The following NAV3 variants were observed in gnomAD, a reference collection of about 807,000 sequenced individuals.
NAV3 encodes the protein pore membrane and/or filament interacting like protein 1.
In NAV3, 87 loss-of-function variants were observed where a neutral mutation model predicts 244.7. The observed-to-expected ratio is 0.36, with a 90% confidence interval of 0.30 to 0.42. NAV3 has a LOEUF of 0.42. NAV3 is among the 20% of genes least tolerant of loss of function. The probability of loss-of-function intolerance (pLI) is 1.00; values close to 1 mark genes in which losing one functional copy is unlikely to be tolerated. For missense variants in NAV3, 2,663 were observed against 2,893.3 expected (o/e 0.92, Z 1.83); for synonymous variants, 1,126 against 1,042.2 (o/e 1.08, Z -1.55).
intron 2 of NAV3, among the ~76,000 whole-genome samples, chr12:77,758,532 GA>G (rs1456685432): frequency 6.6e-6 from 1 of 152,112 alleles, no homozygotes; most frequent in Admixed American, 6.6e-5. Flanking sequence ...TTTGTCTTTG[GA>G]AAGTTCCTTA....
At chr12:77,909,226 C>T (rs1384268647) in intron 1 of NAV3, among the ~76,000 whole-genome samples, 2 of 151,950 alleles carry the variant, frequency 1.3e-5, no homozygotes, top group Non-Finnish European at 2.9e-5. Flanking sequence ...ATTTTTTCAA[C>T]AGGAAATAAA....
intron 1 of NAV3, among the ~76,000 whole-genome samples, chr12:77,864,054 A>G (rs1395431577): frequency 6.6e-6 from 1 of 151,948 alleles, no homozygotes; most frequent in Non-Finnish European, 1.5e-5. Flanking sequence ...AGACTGGTGC[A>G]CAGTTTTGGT....
chr12:77,642,205 AAAC>A (rs1872445199), intron 2 of NAV3, among the ~76,000 whole-genome samples: 1 of 152,112 alleles, frequency 6.6e-6, no homozygotes, highest in African/African-American at 2.4e-5. Flanking sequence ...TGTTTCCAGT[AAAC>A]AAAATCTCCA....
intron 39 of NAV3, among the ~76,000 whole-genome samples, chr12:78,206,774 G>A (rs920102058): frequency 6.0e-5 from 9 of 151,242 alleles, no homozygotes; most frequent in African/African-American, 1.9e-4. Context: ...GGTAAAAGAC[G>A]TCATCTAAAA....
intron 1 of NAV3, among the ~76,000 whole-genome samples, chr12:77,931,774 G>A (rs1257328363): frequency 2.6e-5 from 4 of 152,118 alleles, no homozygotes; most frequent in Middle Eastern, 3.2e-3. Flanking sequence ...GGCTGAGGCC[G>A]GAGAATGGCG....
rs145810487 is a variant in NAV3 at position 77,863,042 on chromosome 12, A to G, written c.243+31338A>G. Among the ~76,000 whole-genome samples the G allele has an allele frequency of 3.7e-3, 559 of 151,890 alleles. 2 individuals are homozygous for G. The highest frequency in any genetic ancestry group is 0.013 in the African/African-American group (536 of 41,512). ...GGTTAATAAAAACTTTTTGTCCATG[A>G]CTTGATGAACTGTATGCATATATTT... On this transcript the variant is annotated intron_variant, in intron 1 of 39. Transcript: ENST00000397909.
At chr12:78,162,415 T>G (rs1156254218) in intron 23 of NAV3, among the ~76,000 whole-genome samples, 2 of 152,082 alleles carry the variant, frequency 1.3e-5, no homozygotes, top group African/African-American at 4.8e-5. Flanking sequence ...TAGGTCTATA[T>G]CTATAGACAT....
At chr12:78,141,267 T>C (rs746591129) in intron 20 of NAV3, among the ~76,000 whole-genome samples, 2 of 132,992 alleles carry the variant, frequency 1.5e-5, no homozygotes, top group Non-Finnish European at 3.3e-5. Flanking sequence ...TAATTCATTT[T>C]TGACAAGGAG....
chr12:77,996,363 A>G (rs1168831430), intron 6 of NAV3, among the ~76,000 whole-genome samples: 2 of 152,216 alleles, frequency 1.3e-5, no homozygotes, highest in African/African-American at 4.8e-5. Flanking sequence ...ACCCTTGTAG[A>G]TTCTCTTAAG....
intron 2 of NAV3, among the ~76,000 whole-genome samples, chr12:77,586,227 A>G (rs1470354016): frequency 2.0e-5 from 3 of 152,200 alleles, no homozygotes; most frequent in African/African-American, 4.8e-5. Context: ...CTGGTACTCT[A>G]TTCTGTATCT....
chr12:78,005,209 A>T (rs562567860), intron 7 of NAV3, among the ~76,000 whole-genome samples: 1 of 152,298 alleles, frequency 6.6e-6, no homozygotes, highest in African/African-American at 2.4e-5. Flanking sequence ...AGAAAAAATG[A>T]CATTAGGGGA....
At chr12:77,730,146 A>G (rs1877056228) in intron 2 of NAV3, among the ~76,000 whole-genome samples, 1 of 152,046 alleles carries the variant, frequency 6.6e-6, no homozygotes, top group Non-Finnish European at 1.5e-5. Context: ...TAGATTGCTA[A>G]GTATCCCAGG....
chr12:77,823,136 T>C (rs1325094497), intron 2 of NAV3, among the ~76,000 whole-genome samples: 1 of 151,636 alleles, frequency 6.6e-6, no homozygotes, highest in Non-Finnish European at 1.5e-5. Context: ...GACCACAGAG[T>C]AGAGATGGAG....
chr12:77,961,527 T>C (rs1346534738), intron 3 of NAV3, among the ~76,000 whole-genome samples: 1 of 144,526 alleles, frequency 6.9e-6, no homozygotes, highest in African/African-American at 2.5e-5. Context: ...ATATATACTT[T>C]AATAATATAT....
At chr12:78,154,014 G>C (rs1957176921) in intron 22 of NAV3, among the ~76,000 whole-genome samples, 1 of 146,872 alleles carries the variant, frequency 6.8e-6, no homozygotes, top group South Asian at 2.1e-4. Flanking sequence ...GTTTATATGG[G>C]TAAATATATA....
chr12:77,781,178 C>G lies in NAV3; in HGVS notation c.73-159141C>G, dbSNP rs78739109. Among the ~76,000 whole-genome samples the G allele has an allele frequency of 4.6e-3, 693 of 152,230 alleles. 10 individuals carry two copies. Among genetic ancestry groups the G allele is most frequent in the African/African-American group, 0.016 (679 of 41,532 alleles). ...GTAAACCCGAAATAAGATTCTGAGGCCTCCCAACCATCTGAATGGACCTCT... is the reference window on the plus strand; with the variant it reads ...GTAAACCCGAAATAAGATTCTGAGGGCTCCCAACCATCTGAATGGACCTCT... On this transcript the variant is annotated intron_variant, in intron 2 of 8. Transcript: ENST00000550042.
chr12:78,027,857 A>G (rs1439333259), intron 9 of NAV3, among the ~76,000 whole-genome samples: 1 of 151,960 alleles, frequency 6.6e-6, no homozygotes, highest in Non-Finnish European at 1.5e-5. Context: ...CTTATTTTTC[A>G]TTGTGTGGCA....
intron 2 of NAV3, among the ~76,000 whole-genome samples, chr12:77,818,314 A>G (rs1324552792): frequency 2.0e-5 from 3 of 151,936 alleles, no homozygotes; most frequent in Non-Finnish European, 4.4e-5. Flanking sequence ...CAGAAATAAA[A>G]CTCCTAGAAT....
intron 12 of NAV3, among the ~76,000 whole-genome samples, chr12:78,101,814 A>G (rs138157639): frequency 1.8e-4 from 28 of 152,262 alleles, no homozygotes; most frequent in African/African-American, 6.7e-4. Context: ...AAAATAATTG[A>G]CTTAACATTT....
Sources: gnomAD v4.1 joint callset for allele counts (sites outside exome capture counted in the v4.1 genomes callset) on GRCh38, gnomAD v4.1.1 for gene constraint, MANE v1.5 for transcripts, NCBI Gene and HGNC (gene_info 2026-07-23, HGNC 2026-07-21) for gene names.